IL24: variants seen among roughly 807,000 people sequenced by gnomAD.
IL24 encodes the protein interleukin-24.
A neutral mutation model predicts 27.6 loss-of-function variants in IL24; 24 were observed. The ratio of observed to expected loss-of-function variants is 0.87; its 90% CI spans 0.63 to 1.22. The LOEUF (loss-of-function observed/expected upper bound fraction) is 1.22. Ranked by LOEUF, IL24 falls within the 50% of genes most tolerant of loss-of-function variation. The pLI is 0.00. For synonymous variants in IL24, 99 were observed against 93.1 expected, an observed-to-expected ratio of 1.06 and a Z score of -0.36; for missense variants, 240 against 237.0, an observed-to-expected ratio of 1.01 and a Z score of -0.08.
In IL24 at chr1:206,899,411, G is replaced by C; in HGVS notation, c.136G>C (p.Val46Leu). Residue 46 changes from valine (V) to leucine (L), a missense_variant, in exon 3 of 7, where the codon GTA becomes CTA. Physicochemically the swap from Val to Leu is conservative, Grantham distance 32 (BLOSUM62 1). Transcript: ENST00000294984. Reference sequence around the variant, plus strand: ...TTTTACCCTGCTTCTCTGGAGCCAGGTATCAGGGGCCCAGGGCCAAGAATT... The same window carrying C: ...TTTTACCCTGCTTCTCTGGAGCCAGCTATCAGGGGCCCAGGGCCAAGAATT... Reference protein sequence around the residue: ...LGFTLLLWSQVSGAQGQEFHF... With the variant: ...LGFTLLLWSQLSGAQGQEFHF... The C allele has an allele frequency of 6.2e-7, 1 of 1,614,210 alleles. No homozygotes were observed. The highest frequency in any genetic ancestry group is 8.5e-7 in the Non-Finnish European group (1 of 1,180,036).
At position 206,903,687 on chromosome 1, in the gene IL24, T is replaced by C. The variant is rs1296241318; in HGVS notation, c.*628T>C. The C allele has an allele frequency of 6.6e-6, 1 of 152,258 alleles. No individual in the cohort carries two copies. Among genetic ancestry groups the C allele is most frequent in the African/African-American group, 2.4e-5 (1 of 41,426 alleles). 9.4% of individuals were successfully genotyped at this position (152,258 alleles called of 1,614,324 possible). On this transcript the variant is annotated 3_prime_UTR_variant, in exon 7 of 7. Transcript: ENST00000294984. ...TAAACATTTCATTTCCCACCCACAC[T>C]CGCCAGCTCACCCCATCATCCCTTT...
rs1419568816 is a variant in IL24, at chr1:206,903,127, C to T, written c.*68C>T. The stretch of plus-strand genomic sequence containing the variant: ...CCCTGTGTCATTTCAAACAGTCTCC[C>T]TTCCTATGCTGTTCACTGGACACTT... On this transcript the variant is annotated 3_prime_UTR_variant, in exon 7 of 7. Transcript: ENST00000294984. The T allele has an allele frequency of 9.1e-6, 12 of 1,324,038 alleles. No individual in the cohort carries two copies. Among genetic ancestry groups the T allele is most frequent in the African/African-American group, 1.4e-5 (1 of 69,214 alleles). The allele number at this position is 1,324,038 out of a possible 1,614,324, so 82.0% of individuals were successfully genotyped here.
In IL24 at chr1:206,897,970, T is replaced by C. The variant is rs1381709255; in HGVS notation, c.44+94T>C. 3.1e-5 allele frequency: 21 copies of C among 682,420 alleles called. No homozygotes were observed. In the East Asian group the frequency reaches 4.5e-4, roughly 15 times the overall value. 42.3% of individuals were successfully genotyped at this position (682,420 alleles called of 1,614,324 possible). A position where few individuals can be genotyped will look rare whatever the true frequency, so the allele number is the denominator to read the frequency against. On this transcript the variant is annotated intron_variant, in intron 2 of 6. Coordinates refer to ENST00000294984, the MANE Select transcript of IL24 (RefSeq NM_006850.3). ...GAGTTCGAGACCAGCCTGGCCAACA[T>C]GGTGAAACCCTGTCTCTACTAAAAA... is the stretch of plus-strand genomic sequence containing the variant.
chr1:206,900,399 T>TAC (rs1310888717), intron 4 of IL24, 42 bp downstream of exon 4: 2 of 1,574,878 alleles, frequency 1.3e-6, no homozygotes, highest in Non-Finnish European at 1.7e-6. Flanking sequence ...GGGACGGGTC[T>TAC]ACTGTGGGTG....
At chr1:206,899,760 T>C (rs1253574445) in intron 3 of IL24, among the ~76,000 whole-genome samples, 4 of 152,078 alleles carry the variant, frequency 2.6e-5, no homozygotes, top group Non-Finnish European at 5.9e-5. Flanking sequence ...AGGGAAACCA[T>C]GAAGAGAGCT....
chr1:206,902,240 C>A (rs574651616), intron 6 of IL24, 168 bp downstream of exon 6: 4 of 985,254 alleles, frequency 4.1e-6, no homozygotes, highest in Non-Finnish European at 2.4e-6. Flanking sequence ...GCAGAAGCAT[C>A]GTAAACTAAG....
At chr1:206,902,535 G>GC (rs3093433) in intron 6 of IL24, 437,857 of 983,692 alleles carry the variant, frequency 0.45, 98,863 homozygotes, top group Middle Eastern at 0.48. Context: ...TTCATCCCCA[G>GC]CCCCCCTAAA....
Position 206,903,149 on chromosome 1 carries a change from A to T in IL24, c.*90A>T. 1 of 1,113,076 alleles carries T rather than the reference A, an allele frequency of 9.0e-7. No individual in the cohort carries two copies. Among genetic ancestry groups the T allele is most frequent in the South Asian group, 1.3e-5 (1 of 79,036 alleles). 68.9% of individuals were successfully genotyped at this position (1,113,076 alleles called of 1,614,324 possible). ...TCCCTTCCTATGCTGTTCACTGGACACTTCACGCCCTTGGCCATGGGTCCC... is the reference window on the plus strand; with the variant it reads ...TCCCTTCCTATGCTGTTCACTGGACTCTTCACGCCCTTGGCCATGGGTCCC... On this transcript the variant is annotated 3_prime_UTR_variant, in exon 7 of 7. Transcript: ENST00000294984.
In IL24 at chr1:206,900,247, C is replaced by A. The variant is rs932601826; in HGVS notation, c.241-48C>A. 3.8e-6 allele frequency: 6 copies of A among 1,565,648 alleles called. No homozygotes were observed. In the African/African-American group the frequency reaches 6.8e-5, roughly 18 times the overall value. The stretch of plus-strand genomic sequence containing the variant: ...CAGCACATATTTGCAGAGTTGGTTT[C>A]TATGCTGACCCCTAACCTGGAGACG... On this transcript the variant is annotated intron_variant, in intron 3 of 6. Transcript: ENST00000294984.
intron 3 of IL24, 89 bp from the exon 4 acceptor site, chr1:206,900,206 T>G: frequency 8.5e-7 from 1 of 1,172,662 alleles, no homozygotes; most frequent in African/African-American, 1.5e-5. Flanking sequence ...TAGATAGATT[T>G]AGGGGTCTAG....
rs1382268572 is a variant in IL24 at position 206,897,666 on chromosome 1, C to T, written c.-103+51C>T. The T allele has an allele frequency of 8.5e-6, 5 of 586,602 alleles. No individual in the cohort carries two copies. The African/African-American group carries it at 9.5e-5, about 11-fold the overall frequency. The allele number at this position is 586,602 out of a possible 1,614,324, so 36.3% of individuals were successfully genotyped here. ...TTTTTTTTGAAGGACTAGACCTCTG[C>T]TTTATTTGTGAAAAGGGGTCAAGGT... On this transcript the variant is annotated intron_variant, in intron 1 of 6. Transcript: ENST00000294984.
chr1:206,902,171 G>A, intron 6 of IL24, 99 bp downstream of exon 6: 1 of 1,537,392 alleles, frequency 6.5e-7, no homozygotes, highest in Non-Finnish European at 8.7e-7. Flanking sequence ...ATGTAATGCA[G>A]GGGACACCAT....
chr1:206,901,459 G>T lies in IL24; in HGVS notation c.304-35G>T, dbSNP rs539166321. 3.8e-6 allele frequency: 6 copies of T among 1,588,860 alleles called. No homozygotes were observed. In the African/African-American group the frequency reaches 8.0e-5, roughly 21 times the overall value. On this transcript the variant is annotated intron_variant, in intron 4 of 6. Transcript: ENST00000294984. ...CCTTCAGGGGGTCAGGGTGGGCAGA[G>T]GCCTTGGCTCAGCAGTGACCCAGAC...
chr1:206,897,828 G>T lies in IL24; in HGVS notation c.-5G>T. 6.2e-7 allele frequency: 1 copy of T among 1,612,276 alleles called. No homozygotes were observed. Among genetic ancestry groups the T allele is most frequent in the South Asian group, 1.1e-5 (1 of 90,544 alleles). ...GGAAGGCCAGGAGGAACACGAGACT[G>T]AGAGATGAATTTTCAACAGAGGCTG... On this transcript the variant is annotated 5_prime_UTR_variant, in exon 2 of 7. Coordinates refer to ENST00000294984, the MANE Select transcript of IL24 (RefSeq NM_006850.3).
At chr1:206,899,272 C>G in intron 2 of IL24, 48 bp from the exon 3 acceptor site, 1 of 1,587,020 alleles carries the variant, frequency 6.3e-7, no homozygotes, top group East Asian at 2.2e-5. Context: ...GCATGTAACT[C>G]TGGGTCAGAG....
At chr1:206,902,540 C>CT in intron 6 of IL24, 2 of 982,250 alleles carry the variant, frequency 2.0e-6, no homozygotes, top group Non-Finnish European at 1.2e-6. Flanking sequence ...CCCCAGCCCC[C>CT]CTAAAAACAT....
intron 2 of IL24, among the ~76,000 whole-genome samples, chr1:206,898,195 A>G (rs79583227): frequency 0.017 from 2,541 of 145,550 alleles, 86 homozygotes; most frequent in African/African-American, 0.062. Flanking sequence ...AAGCCTGTGG[A>G]GTTTGAAAGA....
chr1:206,900,278 T>A lies in IL24; in HGVS notation c.241-17T>A. On this transcript the variant is annotated splice_polypyrimidine_tract_variant and intron_variant, in intron 3 of 6. Coordinates refer to ENST00000294984, the MANE Select transcript of IL24 (RefSeq NM_006850.3). ...TGACCCCTAACCTGGAGACGTCTTT[T>A]CTTTCTGTTTGCCAAGCAAGCTCAG... The A allele has an allele frequency of 6.2e-7, 1 of 1,613,684 alleles. No homozygotes were observed. The highest frequency in any genetic ancestry group is 8.5e-7 in the Non-Finnish European group (1 of 1,179,792).
intron 2 of IL24, among the ~76,000 whole-genome samples, chr1:206,898,483 AGGAG>A (rs890973881): frequency 1.3e-4 from 19 of 151,372 alleles, no homozygotes; most frequent in African/African-American, 3.2e-4. Context: ...AAGAAAGGTA[AGGAG>A]GGAGGGAGGG....
Sources: allele counts gnomAD v4.1 joint callset (sites outside exome capture counted in the v4.1 genomes callset), GRCh38; gene constraint gnomAD v4.1.1; transcripts MANE v1.5; gene names NCBI Gene and HGNC (gene_info 2026-07-23, HGNC 2026-07-21).